OTUB2: variants seen among roughly 807,000 people sequenced by gnomAD.
The protein encoded by OTUB2 is OTU deubiquitinase, ubiquitin aldehyde binding 2, also known as ubiquitin thioesterase OTUB2.
In OTUB2, 21 loss-of-function variants were observed where a neutral mutation model predicts 25.1. That is an observed-to-expected ratio of 0.84 (90% confidence interval 0.59 to 1.21). The LOEUF (loss-of-function observed/expected upper bound fraction) is 1.21. Ranked by LOEUF, OTUB2 falls within the 50% of genes most tolerant of loss-of-function variation. The pLI is 0.00. For synonymous variants in OTUB2, 122 were observed against 122.8 expected, an observed-to-expected ratio of 0.99 and a Z score of 0.04; for missense variants, 283 against 298.0, an observed-to-expected ratio of 0.95 and a Z score of 0.37.
chr14:94,043,534 T>C (rs1447562983), intron 3 of OTUB2, among the ~76,000 whole-genome samples: 1 of 152,152 alleles, frequency 6.6e-6, no homozygotes, highest in East Asian at 1.9e-4. Flanking sequence ...CAAGGGCCTG[T>C]GGAGTGGGTC....
At position 94,047,956 on chromosome 14, in the gene OTUB2, C is replaced by T. The variant is rs2141416975; in HGVS notation, c.*2034C>T. On this transcript the variant is annotated 3_prime_UTR_variant, in exon 6 of 6. Transcript: ENST00000203664. The stretch of plus-strand genomic sequence containing the variant: ...TCACTTCAGAATCAGGACACTCAAG[C>T]TCTGGCAGAGGAAGGCCAAGTTACT... 6.6e-6 allele frequency: 1 copy of T among 152,340 alleles called. No homozygotes were observed. The highest frequency in any genetic ancestry group is 2.4e-5 in the African/African-American group (1 of 41,568). 9.4% of individuals were successfully genotyped at this position (152,340 alleles called of 1,614,324 possible).
chr14:94,043,613 G>T (rs1885204334), intron 3 of OTUB2, among the ~76,000 whole-genome samples: 1 of 152,234 alleles, frequency 6.6e-6, no homozygotes, highest in Non-Finnish European at 1.5e-5. Flanking sequence ...CCTGATGTGT[G>T]TTGTCAGCCG....
Position 94,037,428 on chromosome 14 carries a change from A to G in OTUB2, c.52A>G (p.Ile18Val), listed in dbSNP as rs1002268335. The G allele has an allele frequency of 5.6e-6, 9 of 1,606,610 alleles. No homozygotes were observed. Among genetic ancestry groups the G allele is most frequent in the Admixed American group, 1.7e-5 (1 of 59,912 alleles). ...LISEKCDILS[I>V]LRDHPENRIY... ...ATCAGAAAAATGTGACATTCTATCC[A>G]TTCTTCGGGACCATCCTGAAAACAG... The change falls in exon 2 of 6, where the codon ATT becomes GTT. Residue 18 changes from isoleucine to valine, a missense_variant. Coordinates refer to ENST00000203664, the MANE Select transcript of OTUB2 (RefSeq NM_023112.4).
intron 3 of OTUB2, 131 bp downstream of exon 3, chr14:94,039,212 G>A: frequency 2.7e-6 from 2 of 731,820 alleles, no homozygotes; most frequent in South Asian, 3.6e-5. Context: ...GCCTGGCAGA[G>A]GCGTTTGATG....
rs373385276 is a variant in OTUB2, at chr14:94,047,240, C to A, written c.*1318C>A. ...ACAGGTTTCATTCTGCAGGGATTTA[C>A]TGGAATCTATTGGTGCTGCTGCATG... On this transcript the variant is annotated 3_prime_UTR_variant, in exon 6 of 6. Transcript: ENST00000203664. 2.0e-5 allele frequency: 3 copies of A among 152,350 alleles called. No individual in the cohort carries two copies. Among genetic ancestry groups the A allele is most frequent in the African/African-American group, 7.2e-5 (3 of 41,580 alleles). 9.4% of individuals were successfully genotyped at this position (152,350 alleles called of 1,614,324 possible).
At chr14:94,044,504 C>G (rs1194264047) in intron 4 of OTUB2, 82 bp from the exon 5 acceptor site, 1 of 1,398,870 alleles carries the variant, frequency 7.1e-7, no homozygotes, top group Non-Finnish European at 9.7e-7. Flanking sequence ...GGGCTTCACG[C>G]GAAGGGAGGG....
rs1885329704 is a variant in OTUB2, at chr14:94,048,730, G to C, written c.*2808G>C. 6.6e-6 allele frequency: 1 copy of C among 151,784 alleles called. No individual in the cohort carries two copies. Among genetic ancestry groups the C allele is most frequent in the Non-Finnish European group, 1.5e-5 (1 of 68,020 alleles). The allele number at this position is 151,784 out of a possible 1,614,324, so 9.4% of individuals were successfully genotyped here. A position where few individuals can be genotyped will look rare whatever the true frequency, so the allele number is the denominator to read the frequency against. ...TGGCAGTGACTCGGTGGCTTCCCAA[G>C]CAGGAGTGTCAGGGGAACCATGAGA... On this transcript the variant is annotated 3_prime_UTR_variant, in exon 6 of 6. Transcript: ENST00000203664.
intron 1 of OTUB2, among the ~76,000 whole-genome samples, chr14:94,028,927 G>A (rs1012798703): frequency 1.3e-5 from 2 of 152,196 alleles, no homozygotes; most frequent in African/African-American, 4.8e-5. Flanking sequence ...ATTCCTTTTG[G>A]CGGGTGCGGG....
chr14:94,044,773 G>A lies in OTUB2; in HGVS notation c.491G>A (p.Cys164Tyr). ...IDEEMDIKDF[C>Y]THEVEPMATE... ...GAGGAGATGGACATCAAAGACTTCT[G>A]CACTCACGTAGGTGCTTGGGGTCTC... The change falls in exon 5 of 6, where the codon TGC becomes TAC. Residue 164 changes from cysteine (C) to tyrosine (Y), a missense_variant. Physicochemically the swap from Cys to Tyr is radical, Grantham distance 194 (BLOSUM62 -2). Coordinates refer to ENST00000203664, the MANE Select transcript of OTUB2 (RefSeq NM_023112.4). 6.2e-7 allele frequency: 1 copy of A among 1,611,856 alleles called. No individual in the cohort carries two copies. Among genetic ancestry groups the A allele is most frequent in the Non-Finnish European group, 8.5e-7 (1 of 1,179,580 alleles).
At chr14:94,044,500 C>T (rs1027013028) in intron 4 of OTUB2, 86 bp from the exon 5 acceptor site, 3 of 1,359,706 alleles carry the variant, frequency 2.2e-6, no homozygotes, top group Non-Finnish European at 3.0e-6. Context: ...GTGAGGGCTT[C>T]ACGCGAAGGG....
At chr14:94,031,511 G>A (rs1010782345) in intron 1 of OTUB2, among the ~76,000 whole-genome samples, 1 of 152,104 alleles carries the variant, frequency 6.6e-6, no homozygotes, top group Non-Finnish European at 1.5e-5. Flanking sequence ...ACATGGATTA[G>A]GGATGGGGTA....
Position 94,026,645 on chromosome 14 carries a change from C to G in OTUB2, c.3+105C>G, listed in dbSNP as rs1039374966. ...CGCGGGACGGGGGTCGGACGCGAGGCTCAGCCCCCAGCTCGCCCCCGCCGC... is the reference window on the plus strand; with the variant it reads ...CGCGGGACGGGGGTCGGACGCGAGGGTCAGCCCCCAGCTCGCCCCCGCCGC... On this transcript the variant is annotated intron_variant, in intron 1 of 5. Transcript: ENST00000203664. The G allele has an allele frequency of 3.5e-6, 4 of 1,148,244 alleles. No homozygotes were observed. In the Admixed American group the frequency reaches 1.3e-4, roughly 37 times the overall value. The allele number at this position is 1,148,244 out of a possible 1,614,324, so 71.1% of individuals were successfully genotyped here.
intron 3 of OTUB2, among the ~76,000 whole-genome samples, chr14:94,042,159 G>A (rs1252531890): frequency 1.3e-5 from 2 of 152,246 alleles, no homozygotes; most frequent in African/African-American, 4.8e-5. Flanking sequence ...CAGAGGCTTG[G>A]AGAACACGCG....
At position 94,035,258 on chromosome 14, in the gene OTUB2, C is replaced by A. The variant is rs1885030009; in HGVS notation, c.4-2122C>A. ...TCTTCTTTCCTCTTTTGGAAACATT[C>A]TTCATCCAGTTCTTTTTTTTTTCTT... On this transcript the variant is annotated intron_variant, in intron 1 of 5. Coordinates refer to ENST00000203664, the MANE Select transcript of OTUB2 (RefSeq NM_023112.4). Among the ~76,000 whole-genome samples the A allele has an allele frequency of 2.1e-5, 3 of 142,568 alleles. No individual in the cohort carries two copies. In the South Asian group the frequency reaches 7.0e-4, roughly 33 times the overall value. The allele number at this position is 142,568 out of a possible 152,430, so 93.5% of individuals were successfully genotyped here. A position where few individuals can be genotyped will look rare whatever the true frequency, so the allele number is the denominator to read the frequency against.
At chr14:94,041,922 G>C (rs553311019) in intron 3 of OTUB2, among the ~76,000 whole-genome samples, 212 of 118,660 alleles carry the variant, frequency 1.8e-3, no homozygotes, top group African/African-American at 7.1e-3. Context: ...GTGAGCACTT[G>C]GAACACTGAC....
intron 3 of OTUB2, among the ~76,000 whole-genome samples, chr14:94,040,729 A>C (rs750158458): frequency 6.6e-5 from 10 of 152,196 alleles, no homozygotes; most frequent in Non-Finnish European, 1.2e-4. Flanking sequence ...GAGAGACAAA[A>C]TCCCTGCCTT....
intron 3 of OTUB2, among the ~76,000 whole-genome samples, chr14:94,042,808 C>T (rs1005104773): frequency 1.3e-5 from 2 of 152,198 alleles, no homozygotes; most frequent in Non-Finnish European, 2.9e-5. Flanking sequence ...GGCAGCTCTC[C>T]GTTCGCCCTC....
At position 94,046,056 on chromosome 14, in the gene OTUB2, G is replaced by A; in HGVS notation, c.*134G>A. 1 of 972,578 alleles carries A rather than the reference G, an allele frequency of 1.0e-6. No individual in the cohort carries two copies. The highest frequency in any genetic ancestry group is 1.5e-6 in the Non-Finnish European group (1 of 645,474). 60.2% of individuals were successfully genotyped at this position (972,578 alleles called of 1,614,324 possible). On this transcript the variant is annotated 3_prime_UTR_variant, in exon 6 of 6. Coordinates refer to ENST00000203664, the MANE Select transcript of OTUB2 (RefSeq NM_023112.4). ...TGCAGCCTTTTGGGCAAAGCCCCTG[G>A]GAACGAGGCCTATCCACTATGGACT... is the stretch of plus-strand genomic sequence containing the variant.
Position 94,044,832 on chromosome 14 carries a change from G to A in OTUB2, c.498+52G>A, listed in dbSNP as rs752658737. 119 of 1,543,066 alleles carry A rather than the reference G, an allele frequency of 7.7e-5. 1 individual carries two copies. Among genetic ancestry groups the A allele is most frequent in the Non-Finnish European group, 1.0e-4 (115 of 1,143,046 alleles). ...CCCTGGGCTCTGCTCCTGTGGCCCT[G>A]TCCTGCAGACTTCAGCACCCATCCG... On this transcript the variant is annotated intron_variant, in intron 5 of 5. Coordinates refer to ENST00000203664, the MANE Select transcript of OTUB2 (RefSeq NM_023112.4).
Sources: gnomAD v4.1 joint callset for allele counts (sites outside exome capture counted in the v4.1 genomes callset) on GRCh38, gnomAD v4.1.1 for gene constraint, MANE v1.5 for transcripts, NCBI Gene and HGNC (gene_info 2026-07-23, HGNC 2026-07-21) for gene names.